MRPS5: variants seen among roughly 807,000 people sequenced by gnomAD.
The protein encoded by MRPS5 is mitochondrial ribosomal protein S5, also known as small ribosomal subunit protein uS5m.
A neutral mutation model predicts 51.9 loss-of-function variants in MRPS5; 27 were observed. That is an observed-to-expected ratio of 0.52 (90% CI 0.38 to 0.72). The LOEUF (loss-of-function observed/expected upper bound fraction) is 0.72. Among genes scored for constraint, MRPS5 ranks in the 30% least tolerant of loss-of-function variants. MRPS5 has a pLI of 0.00. For missense variants in MRPS5, 570 were observed against 545.7 expected, an observed-to-expected ratio of 1.04 and a Z score of -0.44; for synonymous variants, 196 against 193.2, an observed-to-expected ratio of 1.01 and a Z score of -0.12.
At chr2:95,121,688 C>G (rs2104437248) in intron 1 of MRPS5, 46 bp downstream of exon 1, 1 of 1,521,600 alleles carries the variant, frequency 6.6e-7, no homozygotes, top group Non-Finnish European at 8.8e-7. Flanking sequence ...GAGCCCCCCA[C>G]TCCCGGCCCG....
chr2:95,094,372 A>G (rs1424423705), intron 10 of MRPS5, among the ~76,000 whole-genome samples: 3 of 152,204 alleles, frequency 2.0e-5, no homozygotes, highest in Non-Finnish European at 4.4e-5. Flanking sequence ...TAAATTCAGG[A>G]AATACAGAGA....
At chr2:95,109,797 C>A in intron 4 of MRPS5, 119 bp downstream of exon 4, 1 of 1,163,274 alleles carries the variant, frequency 8.6e-7, no homozygotes, top group Non-Finnish European at 1.2e-6. Flanking sequence ...AATTCTAAAA[C>A]CATAGATCGT....
rs190868701 is a variant in MRPS5, at chr2:95,085,955, C to A, written c.*1402G>T. Among the ~76,000 whole-genome samples, 4 of 151,666 alleles carry A rather than the reference C, an allele frequency of 2.6e-5. No homozygotes were observed. The highest frequency in any genetic ancestry group is 2.6e-4 in the Admixed American group (4 of 15,254). ...TTGGAGACAAGGTCTCACTCTGCCA[C>A]CCAGGCTGGAGTGGCATGAACAAGG... On this transcript the variant is annotated 3_prime_UTR_variant, in exon 12 of 12. Coordinates refer to ENST00000272418, the MANE Select transcript of MRPS5 (RefSeq NM_031902.5).
chr2:95,106,490 A>C (rs941233838), intron 5 of MRPS5, 33 bp from the exon 6 acceptor site: 1 of 1,564,090 alleles, frequency 6.4e-7, no homozygotes, highest in South Asian at 1.1e-5. Flanking sequence ...GATACAGATG[A>C]AATGTGTGTA....
intron 10 of MRPS5, among the ~76,000 whole-genome samples, chr2:95,093,849 G>A (rs145572138): frequency 4.6e-4 from 70 of 152,272 alleles, no homozygotes; most frequent in African/African-American, 1.5e-3. Flanking sequence ...CCAGCTCCTC[G>A]CCAGCAACAG....
chr2:95,094,247 T>A (rs1675552532), intron 10 of MRPS5, among the ~76,000 whole-genome samples: 1 of 152,070 alleles, frequency 6.6e-6, no homozygotes, highest in African/African-American at 2.4e-5. Flanking sequence ...AAAGACCAAA[T>A]CTACATTTGA....
chr2:95,115,589 A>C (rs551043631), intron 2 of MRPS5, among the ~76,000 whole-genome samples: 5 of 152,298 alleles, frequency 3.3e-5, no homozygotes, highest in African/African-American at 1.2e-4. Flanking sequence ...CAGAAGAGCA[A>C]GGTGCAGGAG....
In MRPS5 at chr2:95,100,833, T is replaced by G. The variant is rs1347923420; in HGVS notation, c.868+4A>C. 3 of 1,582,900 alleles carry G rather than the reference T, an allele frequency of 1.9e-6. No homozygotes were observed. The East Asian group carries it at 6.7e-5, about 36-fold the overall frequency. Reference sequence around the variant, plus strand: ...TAAAAAAAAAAAAATAGATTATCACTCACTTGTATGGTCTTCATATCGTTC... The same window carrying G: ...TAAAAAAAAAAAAATAGATTATCACGCACTTGTATGGTCTTCATATCGTTC... On this transcript the variant is annotated splice_donor_region_variant and intron_variant, in intron 9 of 11. Coordinates refer to ENST00000272418, the MANE Select transcript of MRPS5 (RefSeq NM_031902.5).
At chr2:95,101,241 G>A (rs533133343) in intron 8 of MRPS5, among the ~76,000 whole-genome samples, 8 of 151,970 alleles carry the variant, frequency 5.3e-5, no homozygotes, top group South Asian at 2.1e-4. Context: ...AAAGTTAGCC[G>A]GGTGTGGTGG....
At chr2:95,117,779 G>A in intron 2 of MRPS5, 86 bp downstream of exon 2, 1 of 1,094,258 alleles carries the variant, frequency 9.1e-7, no homozygotes, top group Non-Finnish European at 1.3e-6. Context: ...GAAAAAAGCA[G>A]GTGATTACTT....
intron 3 of MRPS5, among the ~76,000 whole-genome samples, chr2:95,113,496 A>G (rs916712307): frequency 2.6e-5 from 4 of 152,266 alleles, no homozygotes; most frequent in Admixed American, 2.0e-4. Flanking sequence ...TAAATAAATA[A>G]AAATAAATAA....
At chr2:95,109,789 T>A in intron 4 of MRPS5, 127 bp downstream of exon 4, 1 of 1,099,628 alleles carries the variant, frequency 9.1e-7, no homozygotes, top group Non-Finnish European at 1.3e-6. Flanking sequence ...ACTGGTTGAA[T>A]TCTAAAACCA....
In MRPS5 at chr2:95,086,208, C is replaced by A. The variant is rs927096098; in HGVS notation, c.*1149G>T. ...GTGCTGGGGTTATAGGCGTGAGCCA[C>A]CACACCTACCTGATGACAAAGATTT... is the stretch of plus-strand genomic sequence containing the variant. On this transcript the variant is annotated 3_prime_UTR_variant, in exon 12 of 12. Coordinates refer to ENST00000272418, the MANE Select transcript of MRPS5 (RefSeq NM_031902.5). 4.6e-5 allele frequency among the ~76,000 whole-genome samples: 7 copies of A among 152,120 alleles called. No individual in the cohort carries two copies. Among genetic ancestry groups the A allele is most frequent in the Admixed American group, 1.3e-4 (2 of 15,266 alleles).
At chr2:95,121,010 C>G (rs1336373707) in intron 1 of MRPS5, among the ~76,000 whole-genome samples, 1 of 152,032 alleles carries the variant, frequency 6.6e-6, no homozygotes, top group African/African-American at 2.4e-5. Flanking sequence ...CCCAGCTACT[C>G]AGGAGGCTGA....
At chr2:95,108,964 T>C (rs952949774) in intron 4 of MRPS5, among the ~76,000 whole-genome samples, 1 of 152,096 alleles carries the variant, frequency 6.6e-6, no homozygotes, top group African/African-American at 2.4e-5. Flanking sequence ...ATTCATCTTT[T>C]TAGGTATTTA....
rs530245540 is a variant in MRPS5, at chr2:95,091,549, C to T, written c.932-1027G>A. 2.6e-5 allele frequency: 4 copies of T among 152,388 alleles called. No homozygotes were observed. In the South Asian group the frequency reaches 8.3e-4, roughly 32 times the overall value. The allele number at this position is 152,388 out of a possible 1,614,324, so 9.4% of individuals were successfully genotyped here. On this transcript the variant is annotated intron_variant, in intron 10 of 11. Transcript: ENST00000272418. ...GTGTCCCCAGAGCCCAGAGCAGTAC[C>T]TGGCAAATGCAGGTGGAGTGAGGGA...
chr2:95,108,089 C>G (rs1676002597), intron 5 of MRPS5, 86 bp downstream of exon 5: 4 of 1,170,530 alleles, frequency 3.4e-6, no homozygotes, highest in Non-Finnish European at 5.1e-6. Flanking sequence ...GTAGTATAAA[C>G]AGACAAGTAA....
At chr2:95,106,372 C>CA in intron 6 of MRPS5, 51 bp downstream of exon 6, 1 of 1,204,740 alleles carries the variant, frequency 8.3e-7, no homozygotes, top group Non-Finnish European at 1.2e-6. Context: ...CTGCCCCACC[C>CA]ACCCCAACCT....
At chr2:95,110,462 A>G (rs901939558) in intron 3 of MRPS5, among the ~76,000 whole-genome samples, 1 of 152,206 alleles carries the variant, frequency 6.6e-6, no homozygotes, top group Non-Finnish European at 1.5e-5. Context: ...ACAAGAATCA[A>G]CATTTCAATC....
Sources: gnomAD v4.1 joint callset for allele counts (sites outside exome capture counted in the v4.1 genomes callset) on GRCh38, gnomAD v4.1.1 for gene constraint, MANE v1.5 for transcripts, NCBI Gene and HGNC (gene_info 2026-07-23, HGNC 2026-07-21) for gene names.